Variants in ANO4 observed in about 807,000 individuals in gnomAD.
ANO4 encodes anoctamin 4.
A neutral mutation model predicts 141.9 loss-of-function variants in ANO4; 69 were observed. The observed-to-expected ratio is 0.49, with a 90% confidence interval of 0.40 to 0.59. The LOEUF is 0.59. ANO4 is among the 20% of genes least tolerant of loss of function. ANO4 has a pLI of 0.00. For missense variants in ANO4, 894 were observed against 1,162.2 expected (o/e 0.77, Z 3.36); for synonymous variants, 350 against 394.3 (o/e 0.89, Z 1.33).
intron 1 of ANO4, among the ~76,000 whole-genome samples, chr12:100,895,647 C>T (rs1302025378): frequency 1.3e-5 from 2 of 150,812 alleles, no homozygotes; most frequent in African/African-American, 2.5e-5. Context: ...CTGAAACCTC[C>T]GCCTCTTGGG....
intron 9 of ANO4, among the ~76,000 whole-genome samples, 161 bp downstream of exon 9, chr12:101,020,301 C>T (rs968767947): frequency 6.6e-6 from 1 of 152,176 alleles, no homozygotes; most frequent in African/African-American, 2.4e-5. Context: ...AAATCTTCGT[C>T]GCATCCTTAA....
At chr12:100,811,247 T>G (rs11614182) in intron 1 of ANO4, among the ~76,000 whole-genome samples, 62,673 of 151,968 alleles carry the variant, frequency 0.41, 13,257 homozygotes, top group Middle Eastern at 0.53. Context: ...CATATCCAAT[T>G]GCTTTTAGCT....
chr12:100,806,524 GTTTTTTTTTTTTTTTTTTTTTTTTTT>G (rs763949654), intron 1 of ANO4, among the ~76,000 whole-genome samples: 36 of 59,882 alleles, frequency 6.0e-4, no homozygotes, highest in Non-Finnish European at 9.7e-4. Context: ...TTTTTGTTTC[GTTTTTTTTTTTTTTTTTTTTTTTTTT>G]TTTTTTTTTT....
intron 1 of ANO4, among the ~76,000 whole-genome samples, chr12:100,898,854 A>T (rs2040460716): frequency 6.6e-6 from 1 of 152,104 alleles, no homozygotes; most frequent in South Asian, 2.1e-4. Context: ...TCTGATGTTG[A>T]CTTAAAATGT....
chr12:100,893,313 T>C (rs1344220109), intron 1 of ANO4, among the ~76,000 whole-genome samples: 3 of 152,010 alleles, frequency 2.0e-5, no homozygotes, highest in Admixed American at 1.3e-4. Context: ...TTTCACCTTA[T>C]GGAGACCATT....
intron 1 of ANO4, among the ~76,000 whole-genome samples, chr12:100,892,740 T>C (rs1397136315): frequency 6.6e-6 from 1 of 152,252 alleles, no homozygotes; most frequent in Admixed American, 6.5e-5. Context: ...GTTGTTATAC[T>C]GTATTTTAAA....
At chr12:100,968,731 G>A (rs1024731390) in intron 5 of ANO4, among the ~76,000 whole-genome samples, 1 of 152,150 alleles carries the variant, frequency 6.6e-6, no homozygotes, top group African/African-American at 2.4e-5. Flanking sequence ...AAAGCAAGCG[G>A]CAATCTTTTC....
In ANO4 at chr12:101,076,742, A is replaced by G. The variant is rs765233506; in HGVS notation, c.1313-2451A>G. On this transcript the variant is annotated intron_variant, in intron 14 of 27. Coordinates refer to ENST00000392977, the MANE Select transcript of ANO4 (RefSeq NM_001286615.2). ...TCATGGAGGTACCTTTGTGATTTTT[A>G]TGGAAAATAGCCACATATTCAGGGG... Among the ~76,000 whole-genome samples, 89 of 152,122 alleles carry G rather than the reference A, an allele frequency of 5.9e-4. 6 individuals are homozygous for G. The highest frequency in any genetic ancestry group is 1.8e-4 in the Non-Finnish European group (12 of 68,014).
intron 1 of ANO4, among the ~76,000 whole-genome samples, chr12:100,871,955 T>G (rs1170260089): frequency 6.6e-6 from 1 of 152,210 alleles, no homozygotes; most frequent in Non-Finnish European, 1.5e-5. Flanking sequence ...GGCTGCTTGG[T>G]GTATCATGGC....
intron 8 of ANO4, among the ~76,000 whole-genome samples, chr12:100,994,196 T>C (rs758518661): frequency 1.4e-4 from 22 of 152,208 alleles, no homozygotes; most frequent in Non-Finnish European, 2.6e-4. Flanking sequence ...GGTTCTACTG[T>C]CTTTCATCAC....
chr12:100,966,135 T>C (rs908362758), intron 5 of ANO4, among the ~76,000 whole-genome samples: 22 of 152,182 alleles, frequency 1.4e-4, no homozygotes, highest in African/African-American at 5.3e-4. Context: ...TCCAAAATAC[T>C]GGTTTCTTAT....
chr12:100,992,035 A>G (rs986066189), intron 8 of ANO4, among the ~76,000 whole-genome samples: 5 of 152,174 alleles, frequency 3.3e-5, no homozygotes, highest in Admixed American at 3.3e-4. Context: ...CTTACAAGTT[A>G]TACATCTCCA....
At chr12:101,050,963 A>T (rs1011667967) in intron 14 of ANO4, among the ~76,000 whole-genome samples, 3 of 152,222 alleles carry the variant, frequency 2.0e-5, no homozygotes. Flanking sequence ...AAGAATTAAA[A>T]CACAAAACTT....
At chr12:101,072,815 C>T (rs2048869683) in intron 14 of ANO4, among the ~76,000 whole-genome samples, 1 of 152,114 alleles carries the variant, frequency 6.6e-6, no homozygotes, top group Non-Finnish European at 1.5e-5. Context: ...TTTATGCAGC[C>T]AACAGACACA....
chr12:100,984,930 CTTTA>C (rs2044642588), intron 7 of ANO4, among the ~76,000 whole-genome samples: 2 of 150,298 alleles, frequency 1.3e-5, no homozygotes, highest in Admixed American at 6.6e-5. Context: ...TTTTTTACAG[CTTTA>C]TTTGTTTTTA....
rs78873026 is a variant in ANO4 at position 100,940,089 on chromosome 12, A to G, written c.297+638A>G. On this transcript the variant is annotated intron_variant, in intron 4 of 27. Transcript: ENST00000392977. ...GGTTTTTATATTCCAGAGCTAGTTA[A>G]CTGCTAAAAGGATGACACCTGGAAC... 3.2e-3 allele frequency among the ~76,000 whole-genome samples: 492 copies of G among 152,152 alleles called. 6 individuals are homozygous for G. The highest frequency in any genetic ancestry group is 0.012 in the African/African-American group (480 of 41,524).
At chr12:101,065,972 A>C (rs1403960359) in intron 14 of ANO4, among the ~76,000 whole-genome samples, 1 of 152,266 alleles carries the variant, frequency 6.6e-6, no homozygotes, top group Non-Finnish European at 1.5e-5. Context: ...CAAGTCAACC[A>C]GTGTGATACA....
chr12:100,971,409 A>G lies in ANO4; in HGVS notation c.557+3A>G. On this transcript the variant is annotated splice_donor_region_variant and intron_variant, in intron 6 of 27. Transcript: ENST00000392977. The stretch of plus-strand genomic sequence containing the variant: ...ATGAATGTAAGAATGCCTTTCAGGT[A>G]GGTGGAAATGTATTTTATTCCACTC... 1.3e-6 allele frequency: 2 copies of G among 1,581,928 alleles called. No homozygotes were observed. The highest frequency in any genetic ancestry group is 1.7e-6 in the Non-Finnish European group (2 of 1,152,506).
chr12:100,831,234 T>C (rs903181970), intron 1 of ANO4, among the ~76,000 whole-genome samples: 3 of 152,130 alleles, frequency 2.0e-5, no homozygotes, highest in Non-Finnish European at 4.4e-5. Flanking sequence ...TTGCTATTTC[T>C]GGTGGCACGT....
Sources: allele counts gnomAD v4.1 joint callset (sites outside exome capture counted in the v4.1 genomes callset), GRCh38; gene constraint gnomAD v4.1.1; transcripts MANE v1.5; gene names NCBI Gene and HGNC (gene_info 2026-07-23, HGNC 2026-07-21).